CNTNAP2: variants seen among roughly 807,000 people sequenced by gnomAD.
CNTNAP2 encodes contactin-associated protein-like 2.
A neutral mutation model predicts 155.2 loss-of-function variants in CNTNAP2; 98 were observed. The observed-to-expected ratio is 0.63, with a 90% CI of 0.54 to 0.75. The LOEUF (loss-of-function observed/expected upper bound fraction) is 0.75, where lower values mean the gene tolerates loss of function less well. Ranked by LOEUF, CNTNAP2 falls within the 30% of genes least tolerant of loss-of-function variation. The probability of loss-of-function intolerance (pLI) is 0.00; values close to 1 mark genes in which losing one functional copy is unlikely to be tolerated. For synonymous variants in CNTNAP2, 651 were observed against 631.2 expected (o/e 1.03, Z -0.47); for missense variants, 1,727 against 1,688.1 (o/e 1.02, Z -0.40).
At chr7:146,523,306 A>G (rs1269957588) in intron 1 of CNTNAP2, among the ~76,000 whole-genome samples, 1 of 152,128 alleles carries the variant, frequency 6.6e-6, no homozygotes, top group Non-Finnish European at 1.5e-5. Context: ...AAATTTTGGT[A>G]CTAGAGAGCA....
chr7:146,663,905 G>C (rs140214344), intron 1 of CNTNAP2, among the ~76,000 whole-genome samples: 1,789 of 152,008 alleles, frequency 0.012, 21 homozygotes, highest in Middle Eastern at 0.055. Context: ...AGGACCTCTA[G>C]GTGAATGTGG....
At chr7:146,525,206 A>G (rs1014911732) in intron 1 of CNTNAP2, among the ~76,000 whole-genome samples, 2 of 152,108 alleles carry the variant, frequency 1.3e-5, no homozygotes, top group Non-Finnish European at 2.9e-5. Flanking sequence ...ATTTGTGTGT[A>G]TAGATTAAAG....
intron 13 of CNTNAP2, among the ~76,000 whole-genome samples, chr7:147,844,896 T>C (rs1201445440): frequency 2.9e-5 from 4 of 139,112 alleles, no homozygotes; most frequent in South Asian, 4.5e-4. Flanking sequence ...CTGGATTACA[T>C]TTATTGATTT....
chr7:147,259,573 C>T (rs200651930), intron 8 of CNTNAP2, among the ~76,000 whole-genome samples: 2 of 152,092 alleles, frequency 1.3e-5, no homozygotes, highest in African/African-American at 4.8e-5. Flanking sequence ...GAAATTCAAA[C>T]GTAATTTTCT....
intron 13 of CNTNAP2, among the ~76,000 whole-genome samples, chr7:147,775,621 C>G (rs1246471541): frequency 1.3e-5 from 2 of 151,042 alleles, no homozygotes; most frequent in Admixed American, 6.7e-5. Flanking sequence ...CTTTTCAGAG[C>G]CCTGCTTCCT....
At chr7:148,146,689 C>A (rs970041246) in intron 16 of CNTNAP2, among the ~76,000 whole-genome samples, 26 of 152,162 alleles carry the variant, frequency 1.7e-4, no homozygotes, top group African/African-American at 5.5e-4. Flanking sequence ...GTTGTGCTAC[C>A]TTTCAGGTAG....
At chr7:148,174,964 G>A (rs1274434330) in intron 18 of CNTNAP2, among the ~76,000 whole-genome samples, 1 of 152,006 alleles carries the variant, frequency 6.6e-6, no homozygotes, top group Non-Finnish European at 1.5e-5. Context: ...GTGGCCATGT[G>A]TTCTCACTGT....
At chr7:146,726,413 C>T (rs1196047226) in intron 1 of CNTNAP2, among the ~76,000 whole-genome samples, 1 of 151,748 alleles carries the variant, frequency 6.6e-6, no homozygotes, top group African/African-American at 2.4e-5. Context: ...TTTAGCTTCC[C>T]TTATTTTGGG....
intron 9 of CNTNAP2, among the ~76,000 whole-genome samples, chr7:147,333,690 G>T (rs1367358521): frequency 2.0e-5 from 3 of 152,022 alleles, no homozygotes; most frequent in Non-Finnish European, 4.4e-5. Context: ...AAAACAATTG[G>T]TTAATAGATT....
chr7:146,949,590 A>C (rs1299051961), intron 3 of CNTNAP2, among the ~76,000 whole-genome samples: 1 of 152,184 alleles, frequency 6.6e-6, no homozygotes, highest in Non-Finnish European at 1.5e-5. Context: ...ATACCCTTGC[A>C]TTATTTAGTC....
At chr7:146,252,255 A>G (rs996258949) in intron 1 of CNTNAP2, among the ~76,000 whole-genome samples, 14 of 152,338 alleles carry the variant, frequency 9.2e-5, no homozygotes, top group Admixed American at 5.9e-4. Context: ...CATAGAATGA[A>G]CAGGAATTCT....
chr7:146,913,693 A>G (rs145610636), intron 3 of CNTNAP2, among the ~76,000 whole-genome samples: 2,363 of 151,876 alleles, frequency 0.016, 129 homozygotes, highest in Admixed American at 0.11. Flanking sequence ...TCTAAACCCT[A>G]TTACCTCCCA....
intron 1 of CNTNAP2, among the ~76,000 whole-genome samples, chr7:146,539,721 A>G (rs536722329): frequency 8.5e-5 from 13 of 152,134 alleles, no homozygotes; most frequent in African/African-American, 3.1e-4. Context: ...TTTAAAAGGG[A>G]CACTCTTTTT....
In CNTNAP2 at chr7:146,678,652, A is replaced by G. The variant is rs187150383; in HGVS notation, c.98-95619A>G. Among the ~76,000 whole-genome samples, 62 of 152,164 alleles carry G rather than the reference A, an allele frequency of 4.1e-4. 2 individuals carry two copies. The highest frequency in any genetic ancestry group is 8.5e-4 in the Admixed American group (13 of 15,276). ...ATGCTTATGGACTTTTCAAAAGTTT[A>G]TGTGTTTCAAGAGAAAGCTAACTTT... On this transcript the variant is annotated intron_variant, in intron 1 of 23. Coordinates refer to ENST00000361727, the MANE Select transcript of CNTNAP2 (RefSeq NM_014141.6).
chr7:146,724,561 C>CT (rs1000613503), intron 1 of CNTNAP2, among the ~76,000 whole-genome samples: 2,599 of 65,630 alleles, frequency 0.04, 875 homozygotes, highest in East Asian at 0.1. Flanking sequence ...TAAATCTAAA[C>CT]TTTTTTTTTT....
chr7:146,415,771 C>T (rs868826502), intron 1 of CNTNAP2, among the ~76,000 whole-genome samples: 10 of 151,652 alleles, frequency 6.6e-5, no homozygotes, highest in African/African-American at 1.2e-4. Flanking sequence ...CTGGTATTTT[C>T]GATAAATTTA....
intron 13 of CNTNAP2, among the ~76,000 whole-genome samples, chr7:147,794,233 A>AT: frequency 6.6e-6 from 1 of 151,970 alleles, no homozygotes; most frequent in African/African-American, 2.4e-5. Flanking sequence ...CTTGTTCCTG[A>AT]TTTTAGGGGG....
chr7:148,103,455 C>T (rs1402722352), intron 15 of CNTNAP2, among the ~76,000 whole-genome samples: 5 of 152,162 alleles, frequency 3.3e-5, no homozygotes, highest in Admixed American at 1.3e-4. Flanking sequence ...TCTAAATCTG[C>T]ATACTGGATA....
chr7:146,214,802 A>G (rs1209000582), intron 1 of CNTNAP2, among the ~76,000 whole-genome samples: 1 of 152,206 alleles, frequency 6.6e-6, no homozygotes, highest in Non-Finnish European at 1.5e-5. Flanking sequence ...TAACATTAGT[A>G]GAAATAATAT....
Sources: gnomAD v4.1 joint callset for allele counts (sites outside exome capture counted in the v4.1 genomes callset) on GRCh38, gnomAD v4.1.1 for gene constraint, MANE v1.5 for transcripts, NCBI Gene and HGNC (gene_info 2026-07-23, HGNC 2026-07-21) for gene names.